FNBP1: variants seen among roughly 807,000 people sequenced by gnomAD.
FNBP1 encodes formin-binding protein 1.
In FNBP1, 26 loss-of-function variants were observed where a neutral mutation model predicts 90.6. The ratio of observed to expected loss-of-function variants is 0.29; its 90% confidence interval spans 0.21 to 0.40. The LOEUF is 0.40. Ranked by LOEUF, FNBP1 falls within the 10% of genes least tolerant of loss-of-function variation. The probability of loss-of-function intolerance (pLI) is 1.00; values close to 1 mark genes in which losing one functional copy is unlikely to be tolerated. For synonymous variants in FNBP1, 260 were observed against 265.2 expected, an observed-to-expected ratio of 0.98 and a Z score of 0.19; for missense variants, 635 against 768.0, an observed-to-expected ratio of 0.83 and a Z score of 2.05.
intron 6 of FNBP1, among the ~76,000 whole-genome samples, chr9:129,943,733 C>T (rs945718608): frequency 6.6e-6 from 1 of 152,006 alleles, no homozygotes; most frequent in African/African-American, 2.4e-5. Flanking sequence ...TAGCTGACGC[C>T]TGTAATCCCA....
At chr9:129,916,486 G>A (rs2040271563) in intron 10 of FNBP1, among the ~76,000 whole-genome samples, 1 of 151,832 alleles carries the variant, frequency 6.6e-6, no homozygotes, top group Non-Finnish European at 1.5e-5. Flanking sequence ...GTGTGGTGGT[G>A]CACACCTGTA....
intron 4 of FNBP1, 142 bp from the exon 5 acceptor site, chr9:129,958,695 G>A: frequency 3.1e-6 from 2 of 646,728 alleles, no homozygotes; most frequent in South Asian, 3.9e-5. Context: ...GAGTTGAAAG[G>A]GGTAGCCGGG....
chr9:130,009,897 T>C (rs1192342218), intron 1 of FNBP1, among the ~76,000 whole-genome samples: 2 of 150,132 alleles, frequency 1.3e-5, no homozygotes, highest in Non-Finnish European at 2.9e-5. Flanking sequence ...GAGAATCCAT[T>C]GAATTTAAGA....
At chr9:130,029,437 A>G (rs1399292599) in intron 1 of FNBP1, among the ~76,000 whole-genome samples, 2 of 152,200 alleles carry the variant, frequency 1.3e-5, no homozygotes, top group African/African-American at 4.8e-5. Context: ...CAAATGAATT[A>G]ATGAATGATG....
chr9:129,984,732 TG>T (rs201314627), intron 2 of FNBP1, among the ~76,000 whole-genome samples: 5 of 150,488 alleles, frequency 3.3e-5, no homozygotes, highest in East Asian at 2.0e-4. Context: ...AATTGAATCA[TG>T]GGGGGGGCCG....
chr9:129,956,361 C>A (rs577505462), intron 6 of FNBP1, among the ~76,000 whole-genome samples: 210 of 152,268 alleles, frequency 1.4e-3, no homozygotes, highest in African/African-American at 4.7e-3. Flanking sequence ...CACCCACATA[C>A]AGCATGAAGC....
In FNBP1 at chr9:129,914,793, A is replaced by C. The variant is rs111832492; in HGVS notation, c.1185+1173T>G. ...TATATATATATATATATATATATAT[A>C]TCTCACCATAAAATACTATCCTAGG... On this transcript the variant is annotated intron_variant, in intron 11 of 16. Coordinates refer to ENST00000446176, the MANE Select transcript of FNBP1 (RefSeq NM_015033.3). 1,517 of 161,364 alleles carry C rather than the reference A, an allele frequency of 9.4e-3. 18 individuals are homozygous for C. Among genetic ancestry groups the C allele is most frequent in the Middle Eastern group, 0.024 (10 of 424 alleles). The allele number at this position is 161,364 out of a possible 1,614,324, so 10.0% of individuals were successfully genotyped here.
chr9:129,896,552 C>G (rs904778980), intron 15 of FNBP1, among the ~76,000 whole-genome samples: 1 of 151,804 alleles, frequency 6.6e-6, no homozygotes, highest in Non-Finnish European at 1.5e-5. Flanking sequence ...CCCGGCTAAC[C>G]TTTCTATTTT....
intron 6 of FNBP1, among the ~76,000 whole-genome samples, chr9:129,944,246 G>A (rs2044828731): frequency 1.3e-5 from 2 of 151,634 alleles, no homozygotes; most frequent in Admixed American, 6.6e-5. Context: ...AGAATGCCTA[G>A]AATGTTAAAA....
chr9:129,992,549 C>T (rs1001271446), intron 2 of FNBP1, among the ~76,000 whole-genome samples: 2 of 92,584 alleles, frequency 2.2e-5, no homozygotes, highest in Non-Finnish European at 3.8e-5. Flanking sequence ...ACACATAGCT[C>T]TTTTTTTTTT....
chr9:129,915,573 G>A (rs1054566812), intron 11 of FNBP1, among the ~76,000 whole-genome samples: 5 of 152,010 alleles, frequency 3.3e-5, no homozygotes, highest in East Asian at 1.9e-4. Context: ...CGTGTTGCCC[G>A]GGTTGGTCTC....
chr9:129,893,612 C>CAAAAAAAAAAAAA (rs1216398298), intron 16 of FNBP1, among the ~76,000 whole-genome samples: 4 of 22,314 alleles, frequency 1.8e-4, no homozygotes, highest in Admixed American at 7.1e-4. Flanking sequence ...GACTCTGTCT[C>CAAAAAAAAAAAAA]AAAAAAAAAA....
chr9:130,012,010 AGTT>A (rs2131693395), intron 1 of FNBP1, among the ~76,000 whole-genome samples: 1 of 152,354 alleles, frequency 6.6e-6, no homozygotes, highest in South Asian at 2.1e-4. Context: ...CTTATTCTAA[AGTT>A]AATTAAGAGG....
chr9:129,969,733 G>A (rs2049147577), intron 4 of FNBP1, among the ~76,000 whole-genome samples: 1 of 151,174 alleles, frequency 6.6e-6, no homozygotes, highest in African/African-American at 2.4e-5. Context: ...AACATAGCCA[G>A]CCCTATCCCT....
chr9:129,901,567 G>A (rs749361946), intron 13 of FNBP1, among the ~76,000 whole-genome samples: 30 of 151,788 alleles, frequency 2.0e-4, no homozygotes, highest in Non-Finnish European at 4.0e-4. Flanking sequence ...GAAAAGGACC[G>A]TTCTAAGTTC....
chr9:130,006,093 G>GAA (rs2055655302), intron 1 of FNBP1, among the ~76,000 whole-genome samples: 1 of 152,156 alleles, frequency 6.6e-6, no homozygotes, highest in Non-Finnish European at 1.5e-5. Context: ...CACACAAAAT[G>GAA]AAAGGTCTTA....
intron 1 of FNBP1, among the ~76,000 whole-genome samples, chr9:130,035,172 G>A (rs1428818382): frequency 6.6e-6 from 1 of 152,176 alleles, no homozygotes; most frequent in East Asian, 1.9e-4. Context: ...CAGCTGCAAG[G>A]ACTGTGGCTA....
At chr9:130,038,151 G>C (rs2059493954) in intron 1 of FNBP1, among the ~76,000 whole-genome samples, 1 of 151,800 alleles carries the variant, frequency 6.6e-6, no homozygotes, top group African/African-American at 2.4e-5. Context: ...TCAGGAAATC[G>C]AGACCATCCT....
intron 4 of FNBP1, among the ~76,000 whole-genome samples, chr9:129,965,706 G>GCTCA (rs1199029888): frequency 0.043 from 4,738 of 110,926 alleles, 202 homozygotes; most frequent in African/African-American, 0.11. Context: ...ACGCGCGCGC[G>GCTCA]CGCACACACA....
Sources: allele counts gnomAD v4.1 joint callset (sites outside exome capture counted in the v4.1 genomes callset), GRCh38; gene constraint gnomAD v4.1.1; transcripts MANE v1.5; gene names NCBI Gene and HGNC (gene_info 2026-07-23, HGNC 2026-07-21).